The following CRTC1 variants were observed in gnomAD, a reference collection of about 807,000 sequenced individuals.
CRTC1 encodes the protein CREB regulated transcription coactivator 1, also known as CREB-regulated transcription coactivator 1.
CRTC1 carries 18 observed loss-of-function variants against 66.1 expected under a neutral mutation model. The observed-to-expected ratio is 0.27, with a 90% CI of 0.19 to 0.40. CRTC1 has a LOEUF of 0.40. Ranked by LOEUF, CRTC1 falls within the 10% of genes least tolerant of loss-of-function variation. CRTC1 has a pLI of 1.00. For synonymous variants in CRTC1, 416 were observed against 398.8 expected (o/e 1.04, Z -0.51); for missense variants, 669 against 887.9 (o/e 0.75, Z 3.13).
chr19:18,725,704 G>T (rs1600852801), intron 1 of CRTC1, among the ~76,000 whole-genome samples: 1 of 152,216 alleles, frequency 6.6e-6, no homozygotes, highest in African/African-American at 2.4e-5. Context: ...CCTGTGTTAG[G>T]GGCTTCTTTC....
chr19:18,758,085 A>G (rs1447627921), intron 6 of CRTC1, among the ~76,000 whole-genome samples: 1 of 147,864 alleles, frequency 6.8e-6, no homozygotes, highest in African/African-American at 2.5e-5. Context: ...GGAAGAGGCC[A>G]GGCACCGTGG....
At chr19:18,750,001 G>C (rs934696872) in intron 5 of CRTC1, 126 bp downstream of exon 5, 5 of 747,270 alleles carry the variant, frequency 6.7e-6, no homozygotes, top group Middle Eastern at 2.6e-4. Flanking sequence ...ACCATGCTGA[G>C]GGATCGGGGG....
chr19:18,713,412 G>A (rs561939309), intron 1 of CRTC1, among the ~76,000 whole-genome samples: 1 of 152,212 alleles, frequency 6.6e-6, no homozygotes, highest in Admixed American at 6.5e-5. Context: ...CTGAGGACTG[G>A]AATTGCGGGA....
Position 18,777,539 on chromosome 19 carries a change from C to T in CRTC1, c.*157C>T, listed in dbSNP as rs2055019920. 1.5e-6 allele frequency: 1 copy of T among 682,266 alleles called. No individual in the cohort carries two copies. Among genetic ancestry groups the T allele is most frequent in the Admixed American group, 2.7e-5 (1 of 36,914 alleles). 42.3% of individuals were successfully genotyped at this position (682,266 alleles called of 1,614,324 possible). A position where few individuals can be genotyped will look rare whatever the true frequency, so the allele number is the denominator to read the frequency against. On this transcript the variant is annotated 3_prime_UTR_variant, in exon 14 of 14. Coordinates refer to ENST00000321949, the MANE Select transcript of CRTC1 (RefSeq NM_015321.3). The surrounding 1 kb of genome is among the most constrained non-coding windows in gnomAD (Gnocchi z 5.5). The stretch of plus-strand genomic sequence containing the variant: ...CCAGCCCGCCCCCGGTTGTCCACCT[C>T]CCGCGAAGCCCAATCGCGAGGCCGC...
intron 1 of CRTC1, among the ~76,000 whole-genome samples, chr19:18,696,243 G>A (rs995656735): frequency 2.6e-5 from 4 of 152,178 alleles, no homozygotes; most frequent in African/African-American, 9.7e-5. Flanking sequence ...TGGCCGGCTG[G>A]TCAGGGTGAG....
intron 6 of CRTC1, among the ~76,000 whole-genome samples, chr19:18,755,240 T>C (rs1360690524): frequency 6.6e-6 from 1 of 152,092 alleles, no homozygotes; most frequent in Non-Finnish European, 1.5e-5. Flanking sequence ...CTGCCCGCCT[T>C]GGCCTCCCAA....
At chr19:18,752,593 AC>A (rs1208101132) in intron 5 of CRTC1, among the ~76,000 whole-genome samples, 1 of 151,428 alleles carries the variant, frequency 6.6e-6, no homozygotes, top group African/African-American at 2.4e-5. Flanking sequence ...TGCTGTAATT[AC>A]AGGTGTGAGC....
chr19:18,768,871 G>C lies in CRTC1; in HGVS notation c.1320+78G>C. Reference sequence around the variant, plus strand: ...AGCCCGGGGGCTGCAGAACAGTCGGGTTACCTGCTGCATGGGCCAGGGGTC... The same window carrying C: ...AGCCCGGGGGCTGCAGAACAGTCGGCTTACCTGCTGCATGGGCCAGGGGTC... On this transcript the variant is annotated intron_variant, in intron 10 of 13. Transcript: ENST00000321949. This position sits in a 1 kb window ranked among gnomAD's most constrained non-coding sequence, Gnocchi z 5.6. 1 of 1,483,038 alleles carries C rather than the reference G, an allele frequency of 6.7e-7. No individual in the cohort carries two copies. The highest frequency in any genetic ancestry group is 9.0e-7 in the Non-Finnish European group (1 of 1,114,216). The allele number at this position is 1,483,038 out of a possible 1,614,324, so 91.9% of individuals were successfully genotyped here. A position where few individuals can be genotyped will look rare whatever the true frequency, so the allele number is the denominator to read the frequency against.
chr19:18,718,777 G>A (rs1164419998), intron 1 of CRTC1, among the ~76,000 whole-genome samples: 2 of 152,130 alleles, frequency 1.3e-5, no homozygotes, highest in Non-Finnish European at 2.9e-5. Flanking sequence ...ACTCATGTAT[G>A]ATTGTCTTCA....
At chr19:18,772,860 G>A (rs1017177983) in intron 11 of CRTC1, among the ~76,000 whole-genome samples, 5 of 152,212 alleles carry the variant, frequency 3.3e-5, no homozygotes, top group Admixed American at 6.5e-5. Flanking sequence ...GTGTGGTACT[G>A]TTGGGGATGG....
intron 5 of CRTC1, among the ~76,000 whole-genome samples, chr19:18,753,120 A>T (rs1053103057): frequency 1.3e-5 from 2 of 151,810 alleles, no homozygotes; most frequent in Non-Finnish European, 2.9e-5. Flanking sequence ...AAAAAATAAA[A>T]AAAAAATTAG....
chr19:18,710,203 A>C (rs2053358857), intron 1 of CRTC1, among the ~76,000 whole-genome samples: 1 of 150,624 alleles, frequency 6.6e-6, no homozygotes, highest in Non-Finnish European at 1.5e-5. Context: ...AGCCCCACTC[A>C]CTCGGAAGTC....
intron 1 of CRTC1, among the ~76,000 whole-genome samples, chr19:18,698,828 C>T (rs994410293): frequency 6.6e-6 from 1 of 151,440 alleles, no homozygotes; most frequent in African/African-American, 2.4e-5. Context: ...GTGTATTCAG[C>T]AGGTGCACAG....
chr19:18,719,154 C>T (rs892146459), intron 1 of CRTC1, among the ~76,000 whole-genome samples: 5 of 152,192 alleles, frequency 3.3e-5, no homozygotes, highest in Non-Finnish European at 7.3e-5. Context: ...CACCTCCAGC[C>T]TCTGTCCCTG....
At chr19:18,752,165 G>T (rs1277638227) in intron 5 of CRTC1, among the ~76,000 whole-genome samples, 1 of 140,924 alleles carries the variant, frequency 7.1e-6, no homozygotes, top group African/African-American at 2.6e-5. Flanking sequence ...AAAAAAAAAA[G>T]AAAGAAAGAA....
chr19:18,737,114 C>G (rs1033807252), intron 1 of CRTC1, among the ~76,000 whole-genome samples: 1 of 152,010 alleles, frequency 6.6e-6, no homozygotes, highest in Non-Finnish European at 1.5e-5. Flanking sequence ...GGGGCAGGGG[C>G]GTAGACTTAG....
At chr19:18,727,914 T>C (rs1161325989) in intron 1 of CRTC1, among the ~76,000 whole-genome samples, 1 of 151,930 alleles carries the variant, frequency 6.6e-6, no homozygotes, top group East Asian at 1.9e-4. Context: ...TTAGTAGAGA[T>C]GGGGTTTCAC....
intron 2 of CRTC1, among the ~76,000 whole-genome samples, chr19:18,743,635 G>C (rs922297972): frequency 2.6e-5 from 4 of 152,184 alleles, no homozygotes; most frequent in Admixed American, 1.3e-4. Context: ...CCCCTGGGGG[G>C]GGGTCACACC....
intron 1 of CRTC1, among the ~76,000 whole-genome samples, chr19:18,688,697 C>T (rs933199822): frequency 5.9e-5 from 9 of 152,222 alleles, no homozygotes; most frequent in South Asian, 4.1e-4. Flanking sequence ...CTCGGCCTCT[C>T]GGAATGCTGG....
Sources: gnomAD v4.1 joint callset for allele counts (sites outside exome capture counted in the v4.1 genomes callset) on GRCh38, gnomAD v4.1.1 for gene constraint, Gnocchi (gnomAD v3.1) non-coding constraint, MANE v1.5 for transcripts, NCBI Gene and HGNC (gene_info 2026-07-23, HGNC 2026-07-21) for gene names.